EHD4: variants seen among roughly 807,000 people sequenced by gnomAD.
The protein encoded by EHD4 is EH domain-containing protein 4.
EHD4 carries 37 observed loss-of-function variants against 51.0 expected under a neutral mutation model. The ratio of observed to expected loss-of-function variants is 0.73; its 90% CI spans 0.56 to 0.95. EHD4 has a LOEUF of 0.95. EHD4 is among the 40% of genes least tolerant of loss of function. EHD4 has a pLI of 0.00. For synonymous variants in EHD4, 297 were observed against 317.3 expected (o/e 0.94, Z 0.68); for missense variants, 632 against 733.1 (o/e 0.86, Z 1.59).
At chr15:41,956,620 G>A (rs1566826875) in intron 1 of EHD4, among the ~76,000 whole-genome samples, 1 of 152,162 alleles carries the variant, frequency 6.6e-6, no homozygotes, top group Admixed American at 6.5e-5. Context: ...TCTAAGTAGC[G>A]ACCCTACTGG....
chr15:41,919,433 C>T lies in EHD4; in HGVS notation c.701G>A (p.Arg234Gln), dbSNP rs1328813620. 5.0e-6 allele frequency: 8 copies of T among 1,584,856 alleles called. No homozygotes were observed. Among genetic ancestry groups the T allele is most frequent in the East Asian group, 2.2e-5 (1 of 44,608 alleles). The part of the protein sequence containing the change: ...ADQVDTQQLM[R>Q]VYGALMWSLG... ...GGACCACATGAGGGCCCCGTAGACC[C>T]GCATCAGCTGCTGCGTGTCCACTTG... Residue 234 changes from arginine (R) to glutamine (Q), a missense_variant, in exon 4 of 6, where the codon CGG (arginine) becomes CAG (glutamine). By Grantham distance (43) the Arg-to-Gln change is conservative. Coordinates refer to ENST00000220325, the MANE Select transcript of EHD4 (RefSeq NM_139265.4).
intron 5 of EHD4, 121 bp from the exon 6 acceptor site, chr15:41,901,302 G>T: frequency 9.6e-7 from 1 of 1,046,402 alleles, no homozygotes; most frequent in Non-Finnish European, 1.3e-6. Flanking sequence ...ACTCAGGAGT[G>T]CACTCTTTGG....
intron 3 of EHD4, among the ~76,000 whole-genome samples, chr15:41,925,261 T>C (rs2067653852): frequency 6.6e-6 from 1 of 152,134 alleles, no homozygotes; most frequent in Non-Finnish European, 1.5e-5. Context: ...GCTGGCTGTA[T>C]ATGGAGGTGA....
intron 3 of EHD4, among the ~76,000 whole-genome samples, chr15:41,933,547 C>A (rs543043921): frequency 4.6e-4 from 70 of 152,278 alleles, no homozygotes; most frequent in African/African-American, 1.7e-3. Flanking sequence ...GAAACGTGCC[C>A]GGCCAGTGTT....
intron 2 of EHD4, among the ~76,000 whole-genome samples, chr15:41,948,782 A>C (rs908803068): frequency 1.3e-5 from 2 of 151,984 alleles, no homozygotes; most frequent in Admixed American, 6.6e-5. Flanking sequence ...TAATCCCAGC[A>C]CTCTGGGAGG....
Position 41,938,436 on chromosome 15 carries a change from G to A in EHD4, c.511+4631C>T, listed in dbSNP as rs533254288. ...ACCTGAAGTGCAGTTAGATCCTCCC[G>A]GCTTCATGTACTATTACTGTCCACT... On this transcript the variant is annotated intron_variant, in intron 3 of 5. Transcript: ENST00000220325. Among the ~76,000 whole-genome samples, 5 of 152,210 alleles carry A rather than the reference G, an allele frequency of 3.3e-5. 1 individual carries two copies. The highest frequency in any genetic ancestry group is 9.6e-5 in the African/African-American group (4 of 41,518).
intron 2 of EHD4, among the ~76,000 whole-genome samples, chr15:41,946,789 C>T (rs1304434674): frequency 1.3e-5 from 2 of 152,110 alleles, no homozygotes; most frequent in African/African-American, 4.8e-5. Context: ...CTTAAAATTT[C>T]CCCCAAACAC....
At chr15:41,944,852 C>T (rs145115419) in intron 2 of EHD4, among the ~76,000 whole-genome samples, 1 of 152,256 alleles carries the variant, frequency 6.6e-6, no homozygotes, top group Non-Finnish European at 1.5e-5. Flanking sequence ...GGAAGAGAAG[C>T]CCCCAATTTC....
At chr15:41,949,147 A>T (rs1190892334) in intron 2 of EHD4, among the ~76,000 whole-genome samples, 1 of 150,798 alleles carries the variant, frequency 6.6e-6, no homozygotes. Flanking sequence ...AGGCAGGTGG[A>T]TCACCTGAGG....
At chr15:41,910,876 A>G (rs1333411026) in intron 4 of EHD4, among the ~76,000 whole-genome samples, 1 of 152,204 alleles carries the variant, frequency 6.6e-6, no homozygotes, top group Non-Finnish European at 1.5e-5. Flanking sequence ...GCTACTTTGT[A>G]TATCTTGAAC....
intron 4 of EHD4, among the ~76,000 whole-genome samples, chr15:41,914,358 G>A (rs377754215): frequency 3.3e-5 from 5 of 152,056 alleles, no homozygotes; most frequent in Non-Finnish European, 7.3e-5. Context: ...TTATAAAGTG[G>A]GTTTATGATA....
intron 3 of EHD4, among the ~76,000 whole-genome samples, chr15:41,934,286 G>A (rs939264933): frequency 6.7e-6 from 1 of 150,030 alleles, no homozygotes; most frequent in Non-Finnish European, 1.5e-5. Flanking sequence ...CTGCCCAGAT[G>A]CCCCTGAACC....
chr15:41,966,222 G>C, intron 1 of EHD4, among the ~76,000 whole-genome samples: 1 of 151,942 alleles, frequency 6.6e-6, no homozygotes, highest in Non-Finnish European at 1.5e-5. Context: ...CTCAACCCGC[G>C]CCATCTGGCT....
intron 2 of EHD4, among the ~76,000 whole-genome samples, chr15:41,946,215 C>T (rs761018330): frequency 1.8e-4 from 27 of 152,176 alleles, no homozygotes; most frequent in Non-Finnish European, 3.5e-4. Context: ...GCTGGTTCAA[C>T]CCAGGAGCCT....
Position 41,919,244 on chromosome 15 carries a change from AG to A in EHD4, c.889del (p.Leu297SerfsTer21). 1 of 1,614,054 alleles carries A rather than the reference AG, an allele frequency of 6.2e-7. No individual in the cohort carries two copies. The highest frequency in any genetic ancestry group is 1.7e-5 in the Admixed American group (1 of 60,026). ...SLPQKAAVRK[L>X]NDLIKRARLA... The stretch of plus-strand genomic sequence containing the variant: ...CCTCGCTCGCTTGATGAGGTCGTTG[AG>A]CTTGCGCACCGCTGCCTTCTGGGGG... On this transcript the variant is annotated frameshift_variant, in exon 4 of 6. Transcript: ENST00000220325. LOFTEE classifies it high-confidence loss of function.
intron 5 of EHD4, among the ~76,000 whole-genome samples, chr15:41,902,906 C>T (rs1311557770): frequency 6.7e-6 from 1 of 149,988 alleles, no homozygotes; most frequent in African/African-American, 2.5e-5. Flanking sequence ...GGAAAACTAC[C>T]GCCTGTATAA....
chr15:41,972,173 G>A (rs1003841692), intron 1 of EHD4, 86 bp downstream of exon 1: 45 of 1,240,804 alleles, frequency 3.6e-5, no homozygotes, highest in African/African-American at 1.6e-5. Flanking sequence ...CGGCCGGGAG[G>A]GGCAGCGGCG....
At chr15:41,942,968 G>A (rs1032901157) in intron 3 of EHD4, 99 bp downstream of exon 3, 3 of 1,184,636 alleles carry the variant, frequency 2.5e-6, no homozygotes, top group Non-Finnish European at 3.6e-6. Context: ...CAGCTGTCCT[G>A]GAGGACGGAT....
At chr15:41,929,227 A>G (rs2067683210) in intron 3 of EHD4, among the ~76,000 whole-genome samples, 1 of 152,222 alleles carries the variant, frequency 6.6e-6, no homozygotes. Context: ...ATTTTGTCCA[A>G]GACTCTGTAA....
Sources: gnomAD v4.1 joint callset for allele counts (sites outside exome capture counted in the v4.1 genomes callset) on GRCh38, gnomAD v4.1.1 for gene constraint, MANE v1.5 for transcripts, NCBI Gene and HGNC (gene_info 2026-07-23, HGNC 2026-07-21) for gene names.